The following RAPGEF2 variants were observed in gnomAD, a reference collection of about 807,000 sequenced individuals.
RAPGEF2 encodes the protein PDZ domain containing guanine nucleotide exchange factor (GEF) 1.
In RAPGEF2, 54 loss-of-function variants were observed where a neutral mutation model predicts 186.7. The ratio of observed to expected loss-of-function variants is 0.29; its 90% CI spans 0.23 to 0.36. The LOEUF (loss-of-function observed/expected upper bound fraction) is 0.36, where lower values mean the gene tolerates loss of function less well. Among genes scored for constraint, RAPGEF2 ranks in the 10% least tolerant of loss-of-function variants. The probability of loss-of-function intolerance (pLI) is 1.00; values close to 1 mark genes in which losing one functional copy is unlikely to be tolerated. For synonymous variants in RAPGEF2, 712 were observed against 705.9 expected (o/e 1.01, Z -0.14); for missense variants, 1,532 against 2,045.0 (o/e 0.75, Z 4.84).
Position 159,346,947 on chromosome 4 carries a change from T to G in RAPGEF2, c.3661T>G (p.Ser1221Ala). 6.2e-7 allele frequency: 1 copy of G among 1,614,214 alleles called. No individual in the cohort carries two copies. The highest frequency in any genetic ancestry group is 2.2e-5 in the East Asian group (1 of 44,886). ...CCAGGGACTACAGGTTCCCGCCGTG[T>G]CCCTTTATCCTTCACGGAAGAAAGT... The part of the protein sequence containing the change: ...INQGLQVPAV[S>A]LYPSRKKVPV... The change falls in exon 25 of 30, where the codon TCC becomes GCC. Residue 1221 changes from serine to alanine, a missense_variant. Ser to Ala is a moderately conservative substitution (Grantham distance 99, BLOSUM62 1). Transcript: ENST00000691494.
At chr4:159,213,201 T>C (rs1350790365) in intron 4 of RAPGEF2, among the ~76,000 whole-genome samples, 2 of 152,224 alleles carry the variant, frequency 1.3e-5, no homozygotes, top group East Asian at 1.9e-4. Flanking sequence ...GCCTTAGGAA[T>C]AGGACTGAGA....
chr4:159,355,886 C>CCCCCCCTCCCCG lies in RAPGEF2; in HGVS notation c.4686_4687insCCCCCTCCCCGC (p.Pro1562_Thr1563insProProProArg). The CCCCCCCTCCCCG allele has an allele frequency of 6.5e-7, 1 of 1,543,084 alleles. No individual in the cohort carries two copies. ...GAGGGCAGGTATCGAGAGCCCCCGC[C>CCCCCCCTCCCCG]CACCCCTCCCGGCTACATTGGAATT... On this transcript the variant is annotated inframe_insertion, in exon 29 of 30. Coordinates refer to ENST00000691494, the MANE Select transcript of RAPGEF2 (RefSeq NM_001394067.2).
intron 7 of RAPGEF2, among the ~76,000 whole-genome samples, chr4:159,301,870 A>T (rs1762712787): frequency 6.6e-6 from 1 of 152,152 alleles, no homozygotes; most frequent in South Asian, 2.1e-4. Context: ...AAAATAAAAA[A>T]TAAAAAAAAA....
At chr4:159,201,614 T>C (rs1749422668) in intron 3 of RAPGEF2, among the ~76,000 whole-genome samples, 1 of 145,182 alleles carries the variant, frequency 6.9e-6, no homozygotes, top group Admixed American at 6.8e-5. Flanking sequence ...AACAGCAGTG[T>C]AGGTGAGCAA....
At chr4:159,174,994 A>C (rs1435685797) in intron 1 of RAPGEF2, among the ~76,000 whole-genome samples, 1 of 152,134 alleles carries the variant, frequency 6.6e-6, no homozygotes, top group Non-Finnish European at 1.5e-5. Flanking sequence ...ACTTGGACTC[A>C]AGCCATTTGT....
rs577349809 is a variant in RAPGEF2, at chr4:159,208,868, G to GA, written c.198-1623dup. 1.5e-3 allele frequency among the ~76,000 whole-genome samples: 226 copies of GA among 148,294 alleles called. 1 individual carries two copies. Among genetic ancestry groups the GA allele is most frequent in the South Asian group, 0.011 (52 of 4,658 alleles). On this transcript the variant is annotated intron_variant, in intron 3 of 29. Coordinates refer to ENST00000691494, the MANE Select transcript of RAPGEF2 (RefSeq NM_001394067.2). ...GCCAATTTTTATAAAGTACCCCTAGGAAAAAAAAAGAAATCTCACAATTTT... is the reference window on the plus strand; with the variant it reads ...GCCAATTTTTATAAAGTACCCCTAGGAAAAAAAAAAGAAATCTCACAATTTT...
intron 11 of RAPGEF2, chr4:159,328,164 C>T (rs1183756825): frequency 6.6e-6 from 1 of 152,032 alleles, no homozygotes; most frequent in Non-Finnish European, 1.5e-5. Context: ...CATTCTAAAT[C>T]TCTTATATGT....
At chr4:159,190,791 C>A (rs1381142294) in intron 2 of RAPGEF2, among the ~76,000 whole-genome samples, 2 of 152,178 alleles carry the variant, frequency 1.3e-5, no homozygotes, top group Non-Finnish European at 2.9e-5. Context: ...ACTGGGGGAA[C>A]CAGCCCCATA....
intron 3 of RAPGEF2, among the ~76,000 whole-genome samples, chr4:159,206,423 C>T (rs764477889): frequency 6.6e-6 from 1 of 152,164 alleles, no homozygotes; most frequent in Non-Finnish European, 1.5e-5. Flanking sequence ...TATTGTCAGT[C>T]TTCTCTTAAC....
At chr4:159,182,719 C>T (rs1747149698) in intron 1 of RAPGEF2, among the ~76,000 whole-genome samples, 1 of 152,250 alleles carries the variant, frequency 6.6e-6, no homozygotes, top group African/African-American at 2.4e-5. Flanking sequence ...TAAAAGGTTT[C>T]TAATTCCTTA....
intron 1 of RAPGEF2, among the ~76,000 whole-genome samples, chr4:159,139,024 T>C (rs1326094780): frequency 6.6e-6 from 1 of 152,156 alleles, no homozygotes; most frequent in African/African-American, 2.4e-5. Flanking sequence ...ACATTTTCAG[T>C]GAATGGGTGA....
intron 17 of RAPGEF2, among the ~76,000 whole-genome samples, chr4:159,335,553 C>T (rs1041212005): frequency 1.3e-5 from 2 of 151,968 alleles, no homozygotes; most frequent in Non-Finnish European, 2.9e-5. Flanking sequence ...TGCGGAGAAA[C>T]GGTTCTTAAA....
chr4:159,178,280 A>T (rs1263000891), intron 1 of RAPGEF2, among the ~76,000 whole-genome samples: 2 of 152,176 alleles, frequency 1.3e-5, no homozygotes, highest in Non-Finnish European at 2.9e-5. Flanking sequence ...GAGGGATTGC[A>T]CCAGCATATG....
intron 5 of RAPGEF2, among the ~76,000 whole-genome samples, chr4:159,239,513 T>C (rs1753698355): frequency 6.6e-6 from 1 of 152,234 alleles, no homozygotes; most frequent in Non-Finnish European, 1.5e-5. Context: ...ATCTTTTCCC[T>C]CTTTTTAATG....
intron 24 of RAPGEF2, among the ~76,000 whole-genome samples, chr4:159,346,585 T>G (rs41280453): frequency 0.018 from 2,738 of 152,296 alleles, 34 homozygotes; most frequent in Non-Finnish European, 0.03. Context: ...AGTAGATACC[T>G]TTGTCCTGCC....
At chr4:159,326,132 G>C (rs1765894145) in intron 11 of RAPGEF2, among the ~76,000 whole-genome samples, 1 of 152,112 alleles carries the variant, frequency 6.6e-6, no homozygotes, top group African/African-American at 2.4e-5. Context: ...TATCCCTAAG[G>C]AATTCCTTAA....
intron 3 of RAPGEF2, among the ~76,000 whole-genome samples, chr4:159,199,057 C>CAAAA (rs749062756): frequency 3.7e-5 from 3 of 80,334 alleles, no homozygotes; most frequent in African/African-American, 9.9e-5. Flanking sequence ...GACCCTGTCT[C>CAAAA]AAAAAAAAAA....
intron 1 of RAPGEF2, among the ~76,000 whole-genome samples, chr4:159,125,908 C>T (rs1455607975): frequency 6.6e-6 from 1 of 152,106 alleles, no homozygotes; most frequent in East Asian, 1.9e-4. Flanking sequence ...CATCATGGTT[C>T]AGGAGAGACA....
chr4:159,265,127 T>C (rs1302716457), intron 7 of RAPGEF2, among the ~76,000 whole-genome samples: 1 of 152,158 alleles, frequency 6.6e-6, no homozygotes, highest in African/African-American at 2.4e-5. Context: ...ATGGGGTCTT[T>C]CTAGTGCCCT....
Sources: gnomAD v4.1 joint callset for allele counts (sites outside exome capture counted in the v4.1 genomes callset) on GRCh38, gnomAD v4.1.1 for gene constraint, MANE v1.5 for transcripts, NCBI Gene and HGNC (gene_info 2026-07-23, HGNC 2026-07-21) for gene names.